USP12: variants seen among roughly 807,000 people sequenced by gnomAD.
The protein encoded by USP12 is ubiquitin carboxyl-terminal hydrolase 12.
Under a neutral mutation model 45.5 loss-of-function variants are expected in USP12, and 19 were observed. The ratio of observed to expected loss-of-function variants is 0.42; its 90% confidence interval spans 0.29 to 0.61. The LOEUF is 0.61. Among genes scored for constraint, USP12 ranks in the 20% least tolerant of loss-of-function variants. The pLI, the probability that USP12 is intolerant of heterozygous loss-of-function variation, is 0.22. For synonymous variants in USP12, 149 were observed against 148.8 expected, an observed-to-expected ratio of 1.00 and a Z score of -0.01; for missense variants, 242 against 447.7, an observed-to-expected ratio of 0.54 and a Z score of 4.15.
intron 4 of USP12, among the ~76,000 whole-genome samples, chr13:27,092,525 C>A (rs1350853784): frequency 6.6e-6 from 1 of 152,082 alleles, no homozygotes; most frequent in African/African-American, 2.4e-5. Context: ...GATATACGGA[C>A]CAACAGGACA....
At chr13:27,117,635 G>A in intron 1 of USP12, 1 of 361,690 alleles carries the variant, frequency 2.8e-6, no homozygotes, top group Non-Finnish European at 5.7e-6. Context: ...GTGTTTAATA[G>A]CACACGGAAA....
Position 27,105,848 on chromosome 13 carries a change from T to C in USP12, c.226A>G (p.Lys76Glu). 6.2e-7 allele frequency: 1 copy of C among 1,613,858 alleles called. No individual in the cohort carries two copies. Among genetic ancestry groups the C allele is most frequent in the Non-Finnish European group, 8.5e-7 (1 of 1,179,822 alleles). Reference protein sequence around the residue: ...KVLAYKSQPRKKESLLTCLAD... With the variant: ...KVLAYKSQPREKESLLTCLAD... The stretch of plus-strand genomic sequence containing the variant: ...AAGCATGTAAGAAGGCTCTCCTTTT[T>C]CCTAGGTTGACTCTTATACGCAAGA... Residue 76 changes from lysine (K) to glutamate (E), a missense_variant, in exon 3 of 9, where the codon AAA becomes GAA. Around this residue, in one of 5 missense-constraint regions of USP12, gnomAD observed 77 missense variants for 153.7 expected, o/e 0.50. Transcript: ENST00000282344.
At chr13:27,160,967 C>T (rs954211380) in intron 1 of USP12, among the ~76,000 whole-genome samples, 2 of 152,040 alleles carry the variant, frequency 1.3e-5, no homozygotes, top group Admixed American at 1.3e-4. Flanking sequence ...CCCCACAGGC[C>T]CCAGTGTGTA....
intron 4 of USP12, among the ~76,000 whole-genome samples, chr13:27,092,992 T>C (rs1237095184): frequency 6.6e-6 from 1 of 151,028 alleles, no homozygotes; most frequent in Non-Finnish European, 1.5e-5. Context: ...AGGTCGGGAG[T>C]TCAAGACCAG....
At chr13:27,116,675 G>A (rs150797799) in intron 1 of USP12, 79 bp from the exon 2 acceptor site, 8 of 1,319,478 alleles carry the variant, frequency 6.1e-6, no homozygotes, top group East Asian at 4.9e-5. Flanking sequence ...ATGACAGGCC[G>A]CAACATGATG....
intron 1 of USP12, among the ~76,000 whole-genome samples, chr13:27,157,960 T>C (rs752292816): frequency 2.6e-5 from 4 of 152,238 alleles, no homozygotes; most frequent in Non-Finnish European, 4.4e-5. Flanking sequence ...GTCTAGCACA[T>C]AACCCAACTT....
intron 1 of USP12, among the ~76,000 whole-genome samples, chr13:27,163,787 A>AG (rs1323534363): frequency 2.7e-4 from 36 of 132,714 alleles, no homozygotes; most frequent in African/African-American, 9.5e-4. Flanking sequence ...AAAAAAAAAG[A>AG]AAAAAAAAAA....
Position 27,148,743 on chromosome 13 carries a change from T to C in USP12, c.48+22849A>G, listed in dbSNP as rs575011552. Among the ~76,000 whole-genome samples the C allele has an allele frequency of 2.7e-4, 38 of 140,266 alleles. 1 individual carries two copies. In the South Asian group the frequency reaches 7.7e-3, roughly 28 times the overall value. The allele number at this position is 140,266 out of a possible 152,430, so 92.0% of individuals were successfully genotyped here. A position where few individuals can be genotyped will look rare whatever the true frequency, so the allele number is the denominator to read the frequency against. ...AGAGGTAGGTTGAAATGGGCTAACA[T>C]AAAATAGCATATCAATTGAATTAAA... is the stretch of plus-strand genomic sequence containing the variant. On this transcript the variant is annotated intron_variant, in intron 1 of 8. Coordinates refer to ENST00000282344, the MANE Select transcript of USP12 (RefSeq NM_182488.4).
intron 1 of USP12, among the ~76,000 whole-genome samples, chr13:27,145,068 C>T (rs1250145881): frequency 6.6e-6 from 1 of 152,128 alleles, no homozygotes; most frequent in Non-Finnish European, 1.5e-5. Flanking sequence ...CAGAGTGAGA[C>T]CCTGCAGCAG....
chr13:27,113,273 C>CAA (rs1250898874), intron 2 of USP12, among the ~76,000 whole-genome samples: 1 of 150,562 alleles, frequency 6.6e-6, no homozygotes, highest in East Asian at 1.9e-4. Flanking sequence ...AAAACAAAAA[C>CAA]AAACAAACAA....
intron 1 of USP12, among the ~76,000 whole-genome samples, chr13:27,125,626 G>A (rs1036130341): frequency 1.3e-5 from 2 of 152,212 alleles, no homozygotes; most frequent in East Asian, 1.9e-4. Context: ...TACAGTCCAC[G>A]GAGGGTGAGC....
At chr13:27,132,259 C>T (rs1296502503) in intron 1 of USP12, among the ~76,000 whole-genome samples, 1 of 152,088 alleles carries the variant, frequency 6.6e-6, no homozygotes, top group African/African-American at 2.4e-5. Flanking sequence ...AGAGTAGATA[C>T]TTGAAGGGTA....
At chr13:27,114,880 C>T (rs1274257410) in intron 2 of USP12, among the ~76,000 whole-genome samples, 2 of 152,016 alleles carry the variant, frequency 1.3e-5, no homozygotes, top group African/African-American at 2.4e-5. Context: ...CCCAGCTACT[C>T]GGGAGGCTAA....
chr13:27,163,106 A>T (rs199537157), intron 1 of USP12, among the ~76,000 whole-genome samples: 67,883 of 151,908 alleles, frequency 0.45, 16,277 homozygotes, highest in East Asian at 0.8. Context: ...ATACAAGCAA[A>T]TTTTGAAAAA....
At chr13:27,115,007 CCA>C (rs2137796152) in intron 2 of USP12, among the ~76,000 whole-genome samples, 2 of 152,218 alleles carry the variant, frequency 1.3e-5, no homozygotes, top group African/African-American at 4.8e-5. Flanking sequence ...TCTACTCTGA[CCA>C]CAGTTTTATT....
At chr13:27,160,373 T>C (rs972048634) in intron 1 of USP12, among the ~76,000 whole-genome samples, 2 of 151,822 alleles carry the variant, frequency 1.3e-5, no homozygotes, top group African/African-American at 4.8e-5. Context: ...CACATGACAA[T>C]GGCAGGTCCT....
chr13:27,119,774 G>A (rs1249617330), intron 1 of USP12, among the ~76,000 whole-genome samples: 3 of 152,138 alleles, frequency 2.0e-5, no homozygotes, highest in Non-Finnish European at 4.4e-5. Context: ...ACAGACTGAC[G>A]GTAGCAGATC....
chr13:27,092,172 T>C (rs1874347602), intron 4 of USP12, among the ~76,000 whole-genome samples: 1 of 152,140 alleles, frequency 6.6e-6, no homozygotes, highest in African/African-American at 2.4e-5. Context: ...ACGCATGGTA[T>C]TGATATGAGG....
chr13:27,150,447 C>G (rs1877516226), intron 1 of USP12, among the ~76,000 whole-genome samples: 1 of 152,158 alleles, frequency 6.6e-6, no homozygotes, highest in African/African-American at 2.4e-5. Flanking sequence ...TAAAGGAAAT[C>G]TAAACACAGA....
Sources: gnomAD v4.1 joint callset for allele counts (sites outside exome capture counted in the v4.1 genomes callset) on GRCh38, gnomAD v4.1.1 for gene constraint, gnomAD v4.1.1 regional missense constraint, MANE v1.5 for transcripts, NCBI Gene and HGNC (gene_info 2026-07-23, HGNC 2026-07-21) for gene names.